The following SAFB2 variants were observed in gnomAD, a reference collection of about 807,000 sequenced individuals.
The protein encoded by SAFB2 is scaffold attachment factor B2.
In SAFB2, 32 loss-of-function variants were observed where a neutral mutation model predicts 100.6. The ratio of observed to expected loss-of-function variants is 0.32; its 90% CI spans 0.24 to 0.43. The LOEUF (loss-of-function observed/expected upper bound fraction) is 0.43. Ranked by LOEUF, SAFB2 falls within the 20% of genes least tolerant of loss-of-function variation. The pLI, the probability that SAFB2 is intolerant of heterozygous loss-of-function variation, is 1.00. For missense variants in SAFB2, 1,185 were observed against 1,163.4 expected, an observed-to-expected ratio of 1.02 and a Z score of -0.27; for synonymous variants, 500 against 439.4, an observed-to-expected ratio of 1.14 and a Z score of -1.72.
rs796800873 is a variant in SAFB2, at chr19:5,609,460, C to T, written c.1296+535G>A. ...CTGCGACTACAGGCACAGAACACCA[C>T]GGCTGGCTGATTTTTGTATTTTTAG... On this transcript the variant is annotated intron_variant, in intron 9 of 20. Coordinates refer to ENST00000252542, the MANE Select transcript of SAFB2 (RefSeq NM_014649.3). Among the ~76,000 whole-genome samples the T allele has an allele frequency of 3.9e-5, 6 of 152,176 alleles. 1 individual carries two copies. The highest frequency in any genetic ancestry group is 1.2e-4 in the African/African-American group (5 of 41,522).
In SAFB2 at chr19:5,612,436, T is replaced by C. The variant is rs2052928062; in HGVS notation, c.634+104A>G. 5.8e-6 allele frequency: 6 copies of C among 1,037,238 alleles called. No homozygotes were observed. In the Admixed American group the frequency reaches 7.0e-5, roughly 12 times the overall value. 64.3% of individuals were successfully genotyped at this position (1,037,238 alleles called of 1,614,324 possible). A position where few individuals can be genotyped will look rare whatever the true frequency, so the allele number is the denominator to read the frequency against. ...TTGTATGATCTGGATTGTCCACCAT[T>C]AGAGCAATTTACAAGATCATAACAC... On this transcript the variant is annotated intron_variant, in intron 6 of 20. Transcript: ENST00000252542.
At chr19:5,613,277 T>C (rs2052948749) in intron 5 of SAFB2, among the ~76,000 whole-genome samples, 188 bp downstream of exon 5, 1 of 152,228 alleles carries the variant, frequency 6.6e-6, no homozygotes, top group African/African-American at 2.4e-5. Flanking sequence ...TGGTTACATA[T>C]TTGGTTTGAT....
At chr19:5,618,910 T>C (rs981868897) in intron 2 of SAFB2, among the ~76,000 whole-genome samples, 3 of 152,240 alleles carry the variant, frequency 2.0e-5, no homozygotes, top group African/African-American at 7.2e-5. Flanking sequence ...AGTTTTATTT[T>C]TTCCAAACCC....
intron 16 of SAFB2, among the ~76,000 whole-genome samples, chr19:5,592,089 C>G (rs992802372): frequency 2.0e-5 from 3 of 152,148 alleles, no homozygotes; most frequent in African/African-American, 7.2e-5. Context: ...CATCTTTGGT[C>G]TGACCCAATG....
intron 1 of SAFB2, 71 bp downstream of exon 1, chr19:5,622,459 C>A: frequency 7.1e-7 from 1 of 1,409,660 alleles, no homozygotes; most frequent in Non-Finnish European, 9.3e-7. Context: ...GGTCCGGGAG[C>A]CGCGGTGACA....
At chr19:5,594,553 C>A (rs1248488724) in intron 14 of SAFB2, among the ~76,000 whole-genome samples, 1 of 147,880 alleles carries the variant, frequency 6.8e-6, no homozygotes, top group Non-Finnish European at 1.5e-5. Flanking sequence ...CAGAAGGGAG[C>A]CGCGGCAAAA....
chr19:5,603,282 A>G (rs972302347), intron 11 of SAFB2, among the ~76,000 whole-genome samples: 1 of 152,112 alleles, frequency 6.6e-6, no homozygotes. Context: ...TTTTAAAAAT[A>G]ATAATTCCAA....
At chr19:5,619,942 C>T (rs1056036283) in intron 2 of SAFB2, among the ~76,000 whole-genome samples, 5 of 152,028 alleles carry the variant, frequency 3.3e-5, no homozygotes, top group African/African-American at 1.2e-4. Context: ...TGAGCACCTA[C>T]ATAAAAAACT....
At chr19:5,602,770 T>A (rs551655880) in intron 11 of SAFB2, among the ~76,000 whole-genome samples, 25 of 152,302 alleles carry the variant, frequency 1.6e-4, no homozygotes, top group African/African-American at 6.0e-4. Flanking sequence ...AAACAATTAA[T>A]GAAACACGCA....
At chr19:5,611,963 G>T in intron 6 of SAFB2, 1 of 441,894 alleles carries the variant, frequency 2.3e-6, no homozygotes, top group Non-Finnish European at 4.2e-6. Flanking sequence ...GTGCTGAACC[G>T]AATGCAATCA....
Position 5,591,452 on chromosome 19 carries a change from G to A in SAFB2, c.2394+296C>T, listed in dbSNP as rs565816883. 2.4e-5 allele frequency: 6 copies of A among 252,478 alleles called. No individual in the cohort carries two copies. The East Asian group carries it at 2.7e-4, about 11-fold the overall frequency. 15.6% of individuals were successfully genotyped at this position (252,478 alleles called of 1,614,324 possible). A position where few individuals can be genotyped will look rare whatever the true frequency, so the allele number is the denominator to read the frequency against. ...CGCCACCATGCCTGGCTAATTTTTTGTATTTTTAGTAGAGACAGGGTTTCA... is the reference window on the plus strand; with the variant it reads ...CGCCACCATGCCTGGCTAATTTTTTATATTTTTAGTAGAGACAGGGTTTCA... On this transcript the variant is annotated intron_variant, in intron 17 of 20. Transcript: ENST00000252542.
intron 13 of SAFB2, among the ~76,000 whole-genome samples, chr19:5,595,764 C>T (rs987156874): frequency 5.9e-5 from 9 of 152,228 alleles, no homozygotes; most frequent in African/African-American, 2.2e-4. Context: ...CCTACAGGCA[C>T]AGTTCTTCTA....
At chr19:5,622,448 G>T in intron 1 of SAFB2, 82 bp downstream of exon 1, 4 of 1,374,234 alleles carry the variant, frequency 2.9e-6, no homozygotes, top group Non-Finnish European at 3.8e-6. Flanking sequence ...AGGGCGCCCC[G>T]GGTCCGGGAG....
At position 5,587,968 on chromosome 19, in the gene SAFB2, G is replaced by T. The variant is rs2052299471; in HGVS notation, c.2538C>A (p.Asp846Glu). The T allele has an allele frequency of 6.2e-7, 1 of 1,612,064 alleles. No individual in the cohort carries two copies. Among genetic ancestry groups the T allele is most frequent in the Non-Finnish European group, 8.5e-7 (1 of 1,179,504 alleles). ...GLPPPPRGGR[D>E]WGEHNQRLEE... Reference sequence around the variant, plus strand: ...CTAGCCGCTGGTTGTGCTCTCCCCAGTCACGGCCACCCCTTTGCCAAAAGA... The same window carrying T: ...CTAGCCGCTGGTTGTGCTCTCCCCATTCACGGCCACCCCTTTGCCAAAAGA... Residue 846 changes from aspartate to glutamate, a missense_variant, in exon 19 of 21, where the codon GAC becomes GAA. Asp to Glu is a conservative substitution (Grantham distance 45). This residue lies in a region of SAFB2 where 740 missense variants were observed against 687.1 expected (regional missense o/e 1.08). Coordinates refer to ENST00000252542, the MANE Select transcript of SAFB2 (RefSeq NM_014649.3). This position sits in a 1 kb window ranked among gnomAD's most constrained non-coding sequence, Gnocchi z 4.9.
chr19:5,618,348 C>A (rs188906061), intron 2 of SAFB2, among the ~76,000 whole-genome samples: 1 of 151,832 alleles, frequency 6.6e-6, no homozygotes, highest in African/African-American at 2.4e-5. Flanking sequence ...GGCAACAGAG[C>A]GAGACTCCGT....
chr19:5,588,021 T>G (rs989104067), intron 18 of SAFB2, 41 bp from the exon 19 acceptor site: 2 of 1,560,252 alleles, frequency 1.3e-6, no homozygotes, highest in African/African-American at 1.4e-5. Flanking sequence ...CTAATGAGCC[T>G]CCAGGGTTGT....
intron 4 of SAFB2, among the ~76,000 whole-genome samples, chr19:5,614,746 G>A (rs1412044814): frequency 6.6e-6 from 1 of 152,344 alleles, no homozygotes. Context: ...AGCCTCACCA[G>A]AGAGCTCTAC....
chr19:5,609,252 A>G (rs757975963), intron 9 of SAFB2, among the ~76,000 whole-genome samples: 34 of 150,682 alleles, frequency 2.3e-4, no homozygotes, highest in Non-Finnish European at 4.9e-4. Context: ...TTATGAGACT[A>G]TATACTTAAA....
At position 5,616,496 on chromosome 19, in the gene SAFB2, G is replaced by C. The variant is rs1198555799; in HGVS notation, c.275-10C>G. 3.7e-6 allele frequency: 6 copies of C among 1,610,406 alleles called. No homozygotes were observed. The highest frequency in any genetic ancestry group is 1.3e-5 in the African/African-American group (1 of 74,780). On this transcript the variant is annotated splice_polypyrimidine_tract_variant and intron_variant, in intron 2 of 20. Coordinates refer to ENST00000252542, the MANE Select transcript of SAFB2 (RefSeq NM_014649.3). ...TCCTCCATCTTCAGTCCTAATTACA[G>C]AATAATTGTTCAATCAGATAACACT...
Sources: allele counts gnomAD v4.1 joint callset (sites outside exome capture counted in the v4.1 genomes callset), GRCh38; gene constraint gnomAD v4.1.1; regional missense constraint gnomAD v4.1.1; non-coding constraint Gnocchi (gnomAD v3.1); transcripts MANE v1.5; gene names NCBI Gene and HGNC (gene_info 2026-07-23, HGNC 2026-07-21).